Variants in ZC3HAV1 observed in about 807,000 individuals in gnomAD.
ZC3HAV1 encodes zinc finger CCCH-type antiviral protein 1.
A neutral mutation model predicts 86.6 loss-of-function variants in ZC3HAV1; 41 were observed. The observed-to-expected ratio is 0.47, with a 90% CI of 0.37 to 0.61. The LOEUF (loss-of-function observed/expected upper bound fraction) is 0.61. ZC3HAV1 is among the 20% of genes least tolerant of loss of function. ZC3HAV1 has a pLI of 0.00. For synonymous variants in ZC3HAV1, 421 were observed against 432.1 expected (o/e 0.97, Z 0.32); for missense variants, 964 against 1,141.1 (o/e 0.84, Z 2.24).
intron 7 of ZC3HAV1, 57 bp from the exon 8 acceptor site, chr7:139,065,056 T>A: frequency 1.2e-6 from 2 of 1,601,202 alleles, no homozygotes; most frequent in Admixed American, 3.4e-5. Flanking sequence ...AAATCTCTAC[T>A]GTTATATGAT....
At chr7:139,069,368 T>G (rs1332732696) in intron 7 of ZC3HAV1, among the ~76,000 whole-genome samples, 3 of 152,222 alleles carry the variant, frequency 2.0e-5, no homozygotes, top group Non-Finnish European at 4.4e-5. Flanking sequence ...AATGATTGCC[T>G]CAACCTTGGC....
rs962248949 is a variant in ZC3HAV1 at position 139,108,464 on chromosome 7, G to A, written c.308+560C>T. 6.6e-6 allele frequency among the ~76,000 whole-genome samples: 1 copy of A among 152,040 alleles called. No homozygotes were observed. Among genetic ancestry groups the A allele is most frequent in the Admixed American group, 6.6e-5 (1 of 15,258 alleles). On this transcript the variant is annotated intron_variant, in intron 1 of 12. Transcript: ENST00000242351. The surrounding 1 kb of genome is among the most constrained non-coding windows in gnomAD (Gnocchi z 4.2). ...CCTGGAAAAGGGCCACCCCTGCTAC[G>A]CGCCAGGCATCAGAAAAGCGGTGAT...
At chr7:139,085,850 G>T (rs1001336402) in intron 2 of ZC3HAV1, among the ~76,000 whole-genome samples, 1 of 151,700 alleles carries the variant, frequency 6.6e-6, no homozygotes, top group Non-Finnish European at 1.5e-5. Flanking sequence ...CCATCTCTAC[G>T]AAAAATACAA....
chr7:139,073,810 TGA>T, intron 7 of ZC3HAV1, 44 bp downstream of exon 7: 1 of 1,539,072 alleles, frequency 6.5e-7, no homozygotes, highest in Non-Finnish European at 8.8e-7. Context: ...CTTTTTAAGT[TGA>T]CAAGTTTAAA....
chr7:139,070,799 G>A (rs566763458), intron 7 of ZC3HAV1, among the ~76,000 whole-genome samples: 2 of 151,876 alleles, frequency 1.3e-5, no homozygotes, highest in Admixed American at 6.6e-5. Flanking sequence ...TGGCCAACAT[G>A]GTGAAACCCC....
rs762486862 is a variant in ZC3HAV1, at chr7:139,080,007, A to G, written c.934T>C (p.Ser312Pro). ...CCTCCAAGATCAGTAGCCTTGGACG[A>G]GCCTGAGGGAGGCCGAGCGCGATCC... is the stretch of plus-strand genomic sequence containing the variant. ...SQDRARPPSG[S>P]SKATDLGGTS... The change falls in exon 4 of 13, where the codon TCG (serine) becomes CCG (proline). Residue 312 changes from serine to proline, a missense_variant. Physicochemically the swap from Ser to Pro is moderately conservative, Grantham distance 74. Transcript: ENST00000242351. 6.2e-7 allele frequency: 1 copy of G among 1,614,176 alleles called. No homozygotes were observed. Among genetic ancestry groups the G allele is most frequent in the Admixed American group, 1.7e-5 (1 of 60,016 alleles).
intron 5 of ZC3HAV1, among the ~76,000 whole-genome samples, chr7:139,077,295 G>A (rs1816980884): frequency 6.6e-6 from 1 of 152,232 alleles, no homozygotes; most frequent in Admixed American, 6.5e-5. Context: ...CCAGGCTGGA[G>A]TGCAATGGCG....
intron 1 of ZC3HAV1, among the ~76,000 whole-genome samples, chr7:139,104,345 A>G (rs1817862993): frequency 6.6e-6 from 1 of 152,140 alleles, no homozygotes; most frequent in Non-Finnish European, 1.5e-5. Flanking sequence ...TGAAACAGTT[A>G]ACAGAAATCA....
chr7:139,095,700 AC>A (rs1817565874), intron 1 of ZC3HAV1, among the ~76,000 whole-genome samples: 1 of 152,198 alleles, frequency 6.6e-6, no homozygotes, highest in South Asian at 2.1e-4. Context: ...CACCGGTGCC[AC>A]CAAAATATCA....
At chr7:139,052,066 ATTAG>A (rs1816138623) in intron 12 of ZC3HAV1, among the ~76,000 whole-genome samples, 2 of 151,976 alleles carry the variant, frequency 1.3e-5, no homozygotes, top group African/African-American at 4.8e-5. Flanking sequence ...AAGCTTGCTT[ATTAG>A]TTAAAAATGG....
At chr7:139,085,593 C>T (rs1033727321) in intron 2 of ZC3HAV1, among the ~76,000 whole-genome samples, 2 of 152,206 alleles carry the variant, frequency 1.3e-5, no homozygotes, top group African/African-American at 4.8e-5. Context: ...TGACTGGAAA[C>T]ATTTCACTGT....
chr7:139,091,487 G>C (rs992844277), intron 1 of ZC3HAV1, among the ~76,000 whole-genome samples: 1 of 151,862 alleles, frequency 6.6e-6, no homozygotes, highest in African/African-American at 2.4e-5. Context: ...AAAAAAGAAA[G>C]GTAATGCCCT....
chr7:139,108,891 G>T lies in ZC3HAV1; in HGVS notation c.308+133C>A. On this transcript the variant is annotated intron_variant, in intron 1 of 12. Coordinates refer to ENST00000242351, the MANE Select transcript of ZC3HAV1 (RefSeq NM_020119.4). The surrounding 1 kb of genome is among the most constrained non-coding windows in gnomAD (Gnocchi z 4.2). ...GAGGCTCCCAGAGGGGAGCAGAGAA[G>T]GGAGTGGCTGGAGGCGGAGGCTGTC... 1 of 1,181,254 alleles carries T rather than the reference G, an allele frequency of 8.5e-7. No individual in the cohort carries two copies. Among genetic ancestry groups the T allele is most frequent in the Non-Finnish European group, 1.2e-6 (1 of 858,052 alleles). 73.2% of individuals were successfully genotyped at this position (1,181,254 alleles called of 1,614,324 possible).
At position 139,060,963 on chromosome 7, in the gene ZC3HAV1, C is replaced by T. The variant is rs775826715; in HGVS notation, c.2096+73G>A. 6.7e-5 allele frequency: 108 copies of T among 1,607,420 alleles called. 1 individual carries two copies. Among genetic ancestry groups the T allele is most frequent in the Non-Finnish European group, 8.5e-5 (100 of 1,179,236 alleles). On this transcript the variant is annotated intron_variant, in intron 9 of 12. Coordinates refer to ENST00000242351, the MANE Select transcript of ZC3HAV1 (RefSeq NM_020119.4). ...TTCAGGAAAACAGGCTCCAGATTCACGAGTGACTTGATGAGCCCAGGGCAT... is the reference window on the plus strand; with the variant it reads ...TTCAGGAAAACAGGCTCCAGATTCATGAGTGACTTGATGAGCCCAGGGCAT...
intron 7 of ZC3HAV1, among the ~76,000 whole-genome samples, chr7:139,065,406 C>T (rs767942184): frequency 1.2e-4 from 18 of 152,208 alleles, no homozygotes; most frequent in South Asian, 2.1e-4. Flanking sequence ...ATTCTAGCCA[C>T]GCACGGTTTA....
chr7:139,064,376 A>G (rs1205370896), intron 8 of ZC3HAV1, among the ~76,000 whole-genome samples: 1 of 152,258 alleles, frequency 6.6e-6, no homozygotes, highest in Admixed American at 6.5e-5. Flanking sequence ...AGACCTTTCT[A>G]TAGTAGCTCC....
At position 139,074,011 on chromosome 7, in the gene ZC3HAV1, T is replaced by C. The variant is rs777062580; in HGVS notation, c.1717A>G (p.Thr573Ala). 8 of 1,612,778 alleles carry C rather than the reference T, an allele frequency of 5.0e-6. No individual in the cohort carries two copies. Among genetic ancestry groups the C allele is most frequent in the Non-Finnish European group, 5.1e-6 (6 of 1,179,124 alleles). ...GIHLCSVGSY[T>A]INFRVMSCDS... ...CAACTCATTACCCGAAAATTGATTG[T>C]ATAACTTCCTACAGAACAGCTGAGA... The change falls in exon 7 of 13, where the codon ACA becomes GCA. Residue 573 changes from threonine to alanine, a missense_variant. Thr to Ala is a moderately conservative substitution (Grantham distance 58, BLOSUM62 0). Coordinates refer to ENST00000242351, the MANE Select transcript of ZC3HAV1 (RefSeq NM_020119.4).
At chr7:139,090,168 G>T (rs1397912156) in intron 1 of ZC3HAV1, among the ~76,000 whole-genome samples, 1 of 152,090 alleles carries the variant, frequency 6.6e-6, no homozygotes, top group South Asian at 2.1e-4. Flanking sequence ...TGATCCATCC[G>T]CCTCAGCCTC....
Position 139,053,845 on chromosome 7 carries a change from C to T in ZC3HAV1, c.2318+120G>A. ...ATAGAATGAAAAAAAAAAAAAAAGA[C>T]TAGCGCCTAAAGGAACTGTTAACTA... On this transcript the variant is annotated intron_variant, in intron 11 of 12. Coordinates refer to ENST00000242351, the MANE Select transcript of ZC3HAV1 (RefSeq NM_020119.4). 3.6e-6 allele frequency: 3 copies of T among 835,072 alleles called. No homozygotes were observed. The South Asian group carries it at 6.4e-5, about 18-fold the overall frequency. 51.7% of individuals were successfully genotyped at this position (835,072 alleles called of 1,614,324 possible). A position where few individuals can be genotyped will look rare whatever the true frequency, so the allele number is the denominator to read the frequency against.
Sources: allele counts gnomAD v4.1 joint callset (sites outside exome capture counted in the v4.1 genomes callset), GRCh38; gene constraint gnomAD v4.1.1; non-coding constraint Gnocchi (gnomAD v3.1); transcripts MANE v1.5; gene names NCBI Gene and HGNC (gene_info 2026-07-23, HGNC 2026-07-21).